Variants in WDR4 observed in about 807,000 individuals in gnomAD.
WDR4 encodes tRNA (guanine-N(7)-)-methyltransferase non-catalytic subunit WDR4.
WDR4 carries 47 observed loss-of-function variants against 48.6 expected under a neutral mutation model. The observed-to-expected ratio is 0.97, with a 90% CI of 0.77 to 1.23. WDR4 has a LOEUF of 1.23. Ranked by LOEUF, WDR4 falls within the 50% of genes most tolerant of loss-of-function variation. The pLI is 0.00. For missense variants in WDR4, 606 were observed against 551.6 expected, an observed-to-expected ratio of 1.10 and a Z score of -0.99; for synonymous variants, 268 against 230.0, an observed-to-expected ratio of 1.17 and a Z score of -1.49.
At position 42,873,581 on chromosome 21, in the gene WDR4, C is replaced by A. The variant is rs751142345; in HGVS notation, c.266G>T (p.Arg89Leu). 6.2e-7 allele frequency: 1 copy of A among 1,614,088 alleles called. No homozygotes were observed. The highest frequency in any genetic ancestry group is 8.5e-7 in the Non-Finnish European group (1 of 1,179,998). Residue 89 changes from arginine (R) to leucine (L), a missense_variant, in exon 3 of 11, where the codon CGT becomes CTT. Coordinates refer to ENST00000398208, the MANE Select transcript of WDR4 (RefSeq NM_018669.6). ...ACTCAGACATTGCCATGGTTTTGTACGGAAAAGAATCAGACGCTTACTGTC... is the reference window on the plus strand; with the variant it reads ...ACTCAGACATTGCCATGGTTTTGTAAGGAAAAGAATCAGACGCTTACTGTC... Reference protein sequence around the residue: ...TDDSKRLILFRTKPWQCLSVR... With the variant: ...TDDSKRLILFLTKPWQCLSVR...
intron 2 of WDR4, among the ~76,000 whole-genome samples, chr21:42,875,133 T>C (rs1218176948): frequency 1.3e-5 from 2 of 152,154 alleles, no homozygotes; most frequent in African/African-American, 2.4e-5. Context: ...GGGGTGAATT[T>C]TGCCCAATAT....
intron 5 of WDR4, among the ~76,000 whole-genome samples, chr21:42,860,139 T>C (rs2146036204): frequency 6.6e-6 from 1 of 152,018 alleles, no homozygotes; most frequent in South Asian, 2.1e-4. Flanking sequence ...TGGGGGAGAC[T>C]CAAAGACACG....
the WDR4 span, among the ~76,000 whole-genome samples, chr21:42,887,843 G>A: frequency 2.2e-3 from 340 of 152,044 alleles, 3 homozygotes; most frequent in African/African-American, 7.6e-3. Context: ...GCTTGAGCCC[G>A]GGTAGCAGAG....
At chr21:42,863,725 G>C (rs1285463824) in intron 3 of WDR4, 129 bp from the exon 4 acceptor site, 6 of 1,072,996 alleles carry the variant, frequency 5.6e-6, no homozygotes, top group Non-Finnish European at 8.0e-6. Context: ...AGCTGCTGAA[G>C]GTGGTGCCAA....
chr21:42,853,446 G>A (rs2057888431), intron 9 of WDR4, 123 bp downstream of exon 9: 1 of 1,142,578 alleles, frequency 8.8e-7, no homozygotes, highest in Non-Finnish European at 1.2e-6. Flanking sequence ...CAGACCCTGG[G>A]CCCCAGAAGT....
At chr21:42,891,537 C>T in the WDR4 span, among the ~76,000 whole-genome samples, 3 of 152,092 alleles carry the variant, frequency 2.0e-5, no homozygotes, top group East Asian at 1.9e-4. Flanking sequence ...AGGAGGGTGA[C>T]GTGGATCTTC....
At chr21:42,873,333 G>A (rs565865686) in intron 3 of WDR4, among the ~76,000 whole-genome samples, 24 of 152,322 alleles carry the variant, frequency 1.6e-4, no homozygotes, top group South Asian at 4.1e-4. Context: ...ACCACCCAGC[G>A]TGGGACAGAA....
chr21:42,875,661 T>G (rs955496284), intron 2 of WDR4, among the ~76,000 whole-genome samples: 9 of 152,152 alleles, frequency 5.9e-5, no homozygotes, highest in African/African-American at 2.2e-4. Flanking sequence ...GAGTTATGTT[T>G]GTGCAACTGC....
intron 3 of WDR4, among the ~76,000 whole-genome samples, chr21:42,873,336 G>C (rs906839543): frequency 2.0e-5 from 3 of 152,192 alleles, no homozygotes; most frequent in African/African-American, 7.2e-5. Context: ...ACCCAGCGTG[G>C]GACAGAACAG....
At chr21:42,880,657 T>C (rs746039607), upstream of WDR4, among the ~76,000 whole-genome samples, 1 of 152,184 alleles carries the variant, frequency 6.6e-6, no homozygotes, top group Non-Finnish European at 1.5e-5. Flanking sequence ...CCAGGCTGTA[T>C]CTCAGCACAG....
intron 3 of WDR4, among the ~76,000 whole-genome samples, chr21:42,865,744 AGGGTCTC>A (rs1037305373): frequency 5.3e-5 from 8 of 151,824 alleles, no homozygotes; most frequent in Admixed American, 2.6e-4. Context: ...CAGCCTGTGC[AGGGTCTC>A]GGGTCTCGGG....
In WDR4 at chr21:42,879,505, C is replaced by G; in HGVS notation, c.-10G>C. 6.2e-7 allele frequency: 1 copy of G among 1,612,884 alleles called. No homozygotes were observed. Among genetic ancestry groups the G allele is most frequent in the South Asian group, 1.1e-5 (1 of 91,036 alleles). On this transcript the variant is annotated 5_prime_UTR_variant, in exon 1 of 11. Coordinates refer to ENST00000398208, the MANE Select transcript of WDR4 (RefSeq NM_018669.6). ...CCACAGAGCCCGCCATGTACCCGCC[C>G]GCCTCACCGCCATACACATGTGCCA...
chr21:42,868,890 C>CCGAA (rs1369517599), intron 3 of WDR4, among the ~76,000 whole-genome samples: 1 of 152,218 alleles, frequency 6.6e-6, no homozygotes, highest in Non-Finnish European at 1.5e-5. Flanking sequence ...CTCAAACTTC[C>CCGAA]CGAAGTTTAA....
At chr21:42,867,794 G>C (rs907438593) in intron 3 of WDR4, among the ~76,000 whole-genome samples, 2 of 151,402 alleles carry the variant, frequency 1.3e-5, no homozygotes, top group Non-Finnish European at 2.9e-5. Context: ...CGAACTGCTG[G>C]CCTCAAGGGA....
At chr21:42,881,398 A>AGTTT (rs138656300), upstream of WDR4, among the ~76,000 whole-genome samples, 3 of 151,934 alleles carry the variant, frequency 2.0e-5, no homozygotes, top group Non-Finnish European at 4.4e-5. Flanking sequence ...TCTGCTGGCC[A>AGTTT]GTTTGTTTGT....
At chr21:42,854,232 C>A (rs1014521432) in intron 8 of WDR4, among the ~76,000 whole-genome samples, 1 of 152,386 alleles carries the variant, frequency 6.6e-6, no homozygotes, top group African/African-American at 2.4e-5. Context: ...CAGGGGGTTC[C>A]CATCCGACCA....
At chr21:42,865,230 A>G (rs1238661610) in intron 3 of WDR4, among the ~76,000 whole-genome samples, 1 of 152,216 alleles carries the variant, frequency 6.6e-6, no homozygotes, top group Non-Finnish European at 1.5e-5. Context: ...AAGGACAAAG[A>G]AAGATAATTA....
chr21:42,864,268 C>T (rs1258893631), intron 3 of WDR4, among the ~76,000 whole-genome samples: 1 of 151,836 alleles, frequency 6.6e-6, no homozygotes, highest in African/African-American at 2.4e-5. Context: ...GAGTCTTCAT[C>T]ATGCATTGAG....
chr21:42,850,296 G>T (rs2057791093), intron 10 of WDR4, 54 bp from the exon 11 acceptor site: 3 of 1,490,532 alleles, frequency 2.0e-6, no homozygotes, highest in Non-Finnish European at 2.7e-6. Context: ...ATGGGACTCG[G>T]CCACCACAGC....
Sources: allele counts gnomAD v4.1 joint callset (sites outside exome capture counted in the v4.1 genomes callset), GRCh38; gene constraint gnomAD v4.1.1; transcripts MANE v1.5; gene names NCBI Gene and HGNC (gene_info 2026-07-23, HGNC 2026-07-21).